BMPR2: variants seen among roughly 807,000 people sequenced by gnomAD.
BMPR2 encodes bone morphogenetic protein receptor type-2.
In BMPR2, 29 loss-of-function variants were observed where a neutral mutation model predicts 100.8. The observed-to-expected ratio is 0.29, with a 90% CI of 0.21 to 0.39. The LOEUF is 0.39. Ranked by LOEUF, BMPR2 falls within the 10% of genes least tolerant of loss-of-function variation. The pLI is 1.00. For synonymous variants in BMPR2, 382 were observed against 442.3 expected (o/e 0.86, Z 1.71); for missense variants, 1,011 against 1,274.5 (o/e 0.79, Z 3.15).
chr2:202,531,930 A>ATTTTT (rs71035015), intron 8 of BMPR2, among the ~76,000 whole-genome samples: 806 of 52,294 alleles, frequency 0.015, 244 homozygotes, highest in East Asian at 0.042. Context: ...GCCCAGCTGT[A>ATTTTT]TTTTTTTTTT....
At chr2:202,459,704 A>G (rs1278895366) in intron 1 of BMPR2, among the ~76,000 whole-genome samples, 2 of 152,230 alleles carry the variant, frequency 1.3e-5, no homozygotes, top group Non-Finnish European at 2.9e-5. Context: ...CAAAGTTTTC[A>G]TGACGATGCC....
chr2:202,438,398 T>A (rs1337333362), intron 1 of BMPR2, among the ~76,000 whole-genome samples: 1 of 150,638 alleles, frequency 6.6e-6, no homozygotes, highest in African/African-American at 2.5e-5. Context: ...TGTAAATTTT[T>A]CCCCCATTCT....
At chr2:202,388,072 C>T (rs1690466595) in intron 1 of BMPR2, among the ~76,000 whole-genome samples, 1 of 151,756 alleles carries the variant, frequency 6.6e-6, no homozygotes, top group African/African-American at 2.4e-5. Flanking sequence ...TCTTTCACAC[C>T]AACTTGTTCC....
At chr2:202,453,179 TATC>T (rs1692022025) in intron 1 of BMPR2, among the ~76,000 whole-genome samples, 1 of 149,864 alleles carries the variant, frequency 6.7e-6, no homozygotes, top group Admixed American at 6.8e-5. Flanking sequence ...TTGTGGATCT[TATC>T]ATTGCAGTTT....
At chr2:202,523,265 C>T (rs1043325751) in intron 7 of BMPR2, among the ~76,000 whole-genome samples, 1 of 152,210 alleles carries the variant, frequency 6.6e-6, no homozygotes, top group Non-Finnish European at 1.5e-5. Context: ...AAGCGGAACA[C>T]TTATACATTA....
At chr2:202,534,567 A>G (rs1213800669) in intron 9 of BMPR2, among the ~76,000 whole-genome samples, 1 of 152,230 alleles carries the variant, frequency 6.6e-6, no homozygotes. Context: ...CAGAGAGCAC[A>G]GGGTTGGGGG....
intron 8 of BMPR2, among the ~76,000 whole-genome samples, chr2:202,531,963 G>A (rs765089567): frequency 5.1e-5 from 4 of 77,912 alleles, no homozygotes; most frequent in Non-Finnish European, 1.0e-4. Flanking sequence ...TTTTTGAGAC[G>A]GAGTCTCTCT....
chr2:202,424,452 C>T (rs1442635232), intron 1 of BMPR2, among the ~76,000 whole-genome samples: 3 of 150,846 alleles, frequency 2.0e-5, no homozygotes, highest in African/African-American at 7.3e-5. Context: ...AATCCCAGCA[C>T]TTTTGGAGGC....
chr2:202,446,647 C>T (rs72925072), intron 1 of BMPR2, among the ~76,000 whole-genome samples: 24,787 of 147,318 alleles, frequency 0.17, 2,727 homozygotes, highest in Middle Eastern at 0.24. Context: ...TGTGCACACA[C>T]TCACATACAT....
intron 3 of BMPR2, among the ~76,000 whole-genome samples, chr2:202,491,492 C>T (rs923935349): frequency 7.2e-5 from 11 of 151,916 alleles, no homozygotes; most frequent in East Asian, 5.8e-4. Flanking sequence ...GGCACGATCT[C>T]GGCTCACTGC....
intron 7 of BMPR2, among the ~76,000 whole-genome samples, chr2:202,523,688 C>T (rs180946155): frequency 6.6e-6 from 1 of 152,230 alleles, no homozygotes; most frequent in African/African-American, 2.4e-5. Flanking sequence ...CCTGTAATCC[C>T]AGCTACTCGG....
At chr2:202,447,213 C>G (rs1691866377) in intron 1 of BMPR2, among the ~76,000 whole-genome samples, 1 of 149,838 alleles carries the variant, frequency 6.7e-6, no homozygotes, top group Non-Finnish European at 1.5e-5. Flanking sequence ...GAGGCTGATG[C>G]AAGGAGAATC....
rs1226087620 is a variant in BMPR2 at position 202,495,718 on chromosome 2, C to G, written c.419-18001C>G. On this transcript the variant is annotated intron_variant, in intron 3 of 12. Transcript: ENST00000374580. The surrounding 1 kb of genome is among the most constrained non-coding windows in gnomAD (Gnocchi z 4.5). Reference sequence around the variant, plus strand: ...TCATTTAAGGAGGGCACACTGTTCCCTTCCCAGCACTATAACATGTTTAAA... The same window carrying G: ...TCATTTAAGGAGGGCACACTGTTCCGTTCCCAGCACTATAACATGTTTAAA... 1.3e-5 allele frequency among the ~76,000 whole-genome samples: 2 copies of G among 152,198 alleles called. No homozygotes were observed. The highest frequency in any genetic ancestry group is 4.8e-5 in the African/African-American group (2 of 41,438).
rs550593985 is a variant in BMPR2, at chr2:202,376,399, C to T, written c.-1076C>T. On this transcript the variant is annotated 5_prime_UTR_variant, in exon 1 of 13. Transcript: ENST00000374580. ...CCCGGAGGGACGCAGGGTGTCTCGC[C>T]GCCTCCCTGCCCACCCCCTTCCCCG... 6.8e-6 allele frequency among the ~76,000 whole-genome samples: 1 copy of T among 147,916 alleles called. No individual in the cohort carries two copies. Among genetic ancestry groups the T allele is most frequent in the East Asian group, 2.1e-4 (1 of 4,748 alleles).
At chr2:202,513,697 T>C (rs753659235) in intron 3 of BMPR2, 22 bp from the exon 4 acceptor site, 2 of 1,584,012 alleles carry the variant, frequency 1.3e-6, no homozygotes, top group East Asian at 2.2e-5. Flanking sequence ...AAAATGACAT[T>C]TCAAAATTTG....
chr2:202,520,707 T>C (rs1687805003), intron 7 of BMPR2: 1 of 156,644 alleles, frequency 6.4e-6, no homozygotes, highest in Admixed American at 6.3e-5. Flanking sequence ...AGAATCCCCC[T>C]GCCATATGAC....
At chr2:202,504,678 C>CTTTTTTTT (rs144161668) in intron 3 of BMPR2, among the ~76,000 whole-genome samples, 1 of 112,474 alleles carries the variant, frequency 8.9e-6, no homozygotes, top group African/African-American at 3.5e-5. Context: ...ATAGTAGATT[C>CTTTTTTTT]TTTTTTTTTT....
intron 1 of BMPR2, among the ~76,000 whole-genome samples, chr2:202,412,696 A>C (rs1411248709): frequency 6.6e-6 from 1 of 152,168 alleles, no homozygotes; most frequent in Non-Finnish European, 1.5e-5. Flanking sequence ...AGGAATTTTT[A>C]GTTTTGTAAA....
chr2:202,393,486 A>G (rs976275425), intron 1 of BMPR2, among the ~76,000 whole-genome samples: 14 of 152,044 alleles, frequency 9.2e-5, no homozygotes, highest in African/African-American at 2.9e-4. Context: ...TTGTAGGGAC[A>G]GGTCTCGCCA....
Sources: allele counts gnomAD v4.1 joint callset (sites outside exome capture counted in the v4.1 genomes callset), GRCh38; gene constraint gnomAD v4.1.1; non-coding constraint Gnocchi (gnomAD v3.1); transcripts MANE v1.5; gene names NCBI Gene and HGNC (gene_info 2026-07-23, HGNC 2026-07-21).